MGAT5B: variants seen among roughly 807,000 people sequenced by gnomAD.
MGAT5B encodes N-acetylglucosaminyl-transferase Vb.
A neutral mutation model predicts 95.1 loss-of-function variants in MGAT5B; 54 were observed. The ratio of observed to expected loss-of-function variants is 0.57; its 90% CI spans 0.46 to 0.71. The LOEUF (loss-of-function observed/expected upper bound fraction) is 0.71. MGAT5B is among the 30% of genes least tolerant of loss of function. MGAT5B has a pLI of 0.00. For synonymous variants in MGAT5B, 464 were observed against 451.0 expected, an observed-to-expected ratio of 1.03 and a Z score of -0.36; for missense variants, 935 against 1,088.6, an observed-to-expected ratio of 0.86 and a Z score of 1.99.
chr17:76,892,239 G>A (rs1441914745), intron 3 of MGAT5B, among the ~76,000 whole-genome samples: 1 of 152,186 alleles, frequency 6.6e-6, no homozygotes, highest in Non-Finnish European at 1.5e-5. Flanking sequence ...GGGGAGATGG[G>A]GTTTCACCAT....
At chr17:76,944,510 G>A (rs959007869) in intron 15 of MGAT5B, among the ~76,000 whole-genome samples, 3 of 152,196 alleles carry the variant, frequency 2.0e-5, no homozygotes, top group Non-Finnish European at 4.4e-5. Context: ...AACCAGCTGG[G>A]GCAGCAACTG....
At chr17:76,929,579 A>G (rs1434693267) in intron 10 of MGAT5B, among the ~76,000 whole-genome samples, 1 of 152,250 alleles carries the variant, frequency 6.6e-6, no homozygotes, top group African/African-American at 2.4e-5. Context: ...TAATTGGTTT[A>G]TCTCAATCTC....
At chr17:76,886,024 G>A (rs574766473) in intron 3 of MGAT5B, among the ~76,000 whole-genome samples, 23 of 152,326 alleles carry the variant, frequency 1.5e-4, no homozygotes, top group Admixed American at 1.3e-3. Context: ...ACTCATGGCT[G>A]GTGTTTCCTC....
At chr17:76,898,327 T>C (rs1968174069) in intron 3 of MGAT5B, among the ~76,000 whole-genome samples, 2 of 112,150 alleles carry the variant, frequency 1.8e-5, no homozygotes, top group Admixed American at 9.1e-5. Flanking sequence ...GTACATAATC[T>C]TTTTATTTTT....
rs1267206525 is a variant in MGAT5B at position 76,916,971 on chromosome 17, G to C, written c.1026-7995G>C. On this transcript the variant is annotated intron_variant, in intron 8 of 17. Transcript: ENST00000569840. This position sits in a 1 kb window ranked among gnomAD's most constrained non-coding sequence, Gnocchi z 5.3. Reference sequence around the variant, plus strand: ...GGGCTGGTCTGGGGCTTTTTATTCTGGGTGAAGCCGGCAGAAGCACAGGGT... The same window carrying C: ...GGGCTGGTCTGGGGCTTTTTATTCTCGGTGAAGCCGGCAGAAGCACAGGGT... Among the ~76,000 whole-genome samples, 1 of 152,170 alleles carries C rather than the reference G, an allele frequency of 6.6e-6. No individual in the cohort carries two copies. The highest frequency in any genetic ancestry group is 1.5e-5 in the Non-Finnish European group (1 of 68,042).
intron 8 of MGAT5B, among the ~76,000 whole-genome samples, chr17:76,920,620 C>G (rs139966847): frequency 6.6e-6 from 1 of 152,308 alleles, no homozygotes; most frequent in African/African-American, 2.4e-5. Context: ...TCCTGCCCTT[C>G]CATTGAAAAT....
At chr17:76,877,432 G>A (rs1391016590) in intron 2 of MGAT5B, among the ~76,000 whole-genome samples, 1 of 151,922 alleles carries the variant, frequency 6.6e-6, no homozygotes, top group Non-Finnish European at 1.5e-5. Context: ...ACTGGGCCCT[G>A]CCAGACCTCC....
At chr17:76,913,707 G>C (rs769098859) in intron 8 of MGAT5B, 1 of 510,664 alleles carries the variant, frequency 2.0e-6, no homozygotes, top group Admixed American at 2.0e-5. Context: ...CAAGCCAGAT[G>C]TGGAGTCATG....
intron 3 of MGAT5B, among the ~76,000 whole-genome samples, chr17:76,888,445 C>T (rs943950120): frequency 6.6e-6 from 1 of 152,168 alleles, no homozygotes; most frequent in Non-Finnish European, 1.5e-5. Context: ...TCTGTAGGCA[C>T]CTGTGTACGT....
intron 3 of MGAT5B, among the ~76,000 whole-genome samples, chr17:76,894,979 C>T (rs996318990): frequency 2.0e-5 from 3 of 152,136 alleles, no homozygotes; most frequent in Admixed American, 6.5e-5. Context: ...CTGGCATGGA[C>T]CGGTACCGCT....
chr17:76,872,864 G>A lies in MGAT5B; in HGVS notation c.82G>A (p.Gly28Ser), dbSNP rs1396587792. The A allele has an allele frequency of 6.2e-7, 1 of 1,614,190 alleles. No individual in the cohort carries two copies. The highest frequency in any genetic ancestry group is 1.3e-5 in the African/African-American group (1 of 75,046). ...TLRPFRLFVL[G>S]IGFFTLCFLM... is the part of the protein sequence containing the mutation. ...TCCTCTCCGCAGGCTTTTTGTCCTG[G>A]GCATCGGCTTCTTCACTCTCTGCTT... The change falls in exon 2 of 18, where the codon GGC (glycine) becomes AGC (serine). Residue 28 changes from glycine (G) to serine (S), a missense_variant. This residue lies in a region of MGAT5B where 243 missense variants were observed against 228.2 expected (regional missense o/e 1.06). Transcript: ENST00000569840.
intron 3 of MGAT5B, among the ~76,000 whole-genome samples, chr17:76,892,059 C>T (rs1883242185): frequency 6.6e-6 from 1 of 152,160 alleles, no homozygotes; most frequent in African/African-American, 2.4e-5. Flanking sequence ...TAGGAAGTCT[C>T]TTTTTGAGAC....
At chr17:76,878,555 G>A (rs866248182) in intron 2 of MGAT5B, among the ~76,000 whole-genome samples, 2 of 152,128 alleles carry the variant, frequency 1.3e-5, no homozygotes, top group Non-Finnish European at 2.9e-5. Context: ...GCTCACTGCA[G>A]CCTCAATCTC....
In MGAT5B at chr17:76,932,790, TGC is replaced by T. The variant is rs1253149889; in HGVS notation, c.1422+21_1422+22del. 6.2e-7 allele frequency: 1 copy of T among 1,612,422 alleles called. No individual in the cohort carries two copies. The highest frequency in any genetic ancestry group is 8.5e-7 in the Non-Finnish European group (1 of 1,179,506). ...GCATCTGGAAGGTGAGCGCGGCCCC[TGC>T]GCGCGGGAAGCACCAGCCTGCTCGG... On this transcript the variant is annotated intron_variant, in intron 11 of 17. Transcript: ENST00000569840.
Position 76,889,833 on chromosome 17 carries a change from G to C in MGAT5B, c.329+7535G>C, listed in dbSNP as rs1455066813. Among the ~76,000 whole-genome samples, 3 of 152,182 alleles carry C rather than the reference G, an allele frequency of 2.0e-5. No individual in the cohort carries two copies. The highest frequency in any genetic ancestry group is 4.4e-5 in the Non-Finnish European group (3 of 68,038). The stretch of plus-strand genomic sequence containing the variant: ...CCACATGACAGCCACGTTTATTGGG[G>C]ATGGGGTGTGAAAAAGTCCCAAGTT... On this transcript the variant is annotated intron_variant, in intron 3 of 17. Coordinates refer to ENST00000569840, the MANE Select transcript of MGAT5B (RefSeq NM_001199172.2). This position sits in a 1 kb window ranked among gnomAD's most constrained non-coding sequence, Gnocchi z 4.4.
chr17:76,892,119 T>C (rs1967892995), intron 3 of MGAT5B, among the ~76,000 whole-genome samples: 1 of 152,078 alleles, frequency 6.6e-6, no homozygotes, highest in East Asian at 1.9e-4. Context: ...CGATCACGGC[T>C]CACTGAAGAT....
At chr17:76,923,170 G>A (rs991924738) in intron 8 of MGAT5B, among the ~76,000 whole-genome samples, 1 of 152,220 alleles carries the variant, frequency 6.6e-6, no homozygotes, top group South Asian at 2.1e-4. Flanking sequence ...TGCGCAAAGC[G>A]AGCATGCACC....
intron 3 of MGAT5B, among the ~76,000 whole-genome samples, chr17:76,900,646 C>T (rs1193809482): frequency 1.3e-5 from 2 of 152,216 alleles, no homozygotes; most frequent in African/African-American, 4.8e-5. Flanking sequence ...AAGGCGCCGG[C>T]CCTGCTGCCA....
At chr17:76,947,120 G>T (rs139563581) in intron 16 of MGAT5B, among the ~76,000 whole-genome samples, 128 of 152,378 alleles carry the variant, frequency 8.4e-4, no homozygotes, top group African/African-American at 3.1e-3. Context: ...TGCAGGCCCC[G>T]GGTGTCCAGG....
Sources: gnomAD v4.1 joint callset for allele counts (sites outside exome capture counted in the v4.1 genomes callset) on GRCh38, gnomAD v4.1.1 for gene constraint, gnomAD v4.1.1 regional missense constraint, Gnocchi (gnomAD v3.1) non-coding constraint, MANE v1.5 for transcripts, NCBI Gene and HGNC (gene_info 2026-07-23, HGNC 2026-07-21) for gene names.